The following ATP8B1 variants were observed in gnomAD, a reference collection of about 807,000 sequenced individuals.
ATP8B1 encodes phospholipid-transporting ATPase IC.
A neutral mutation model predicts 149.9 loss-of-function variants in ATP8B1; 80 were observed. The observed-to-expected ratio is 0.53, with a 90% CI of 0.45 to 0.64. The LOEUF (loss-of-function observed/expected upper bound fraction) is 0.64, where lower values mean the gene tolerates loss of function less well. ATP8B1 is among the 30% of genes least tolerant of loss of function. ATP8B1 has a pLI of 0.00. For synonymous variants in ATP8B1, 536 were observed against 562.8 expected (o/e 0.95, Z 0.67); for missense variants, 1,247 against 1,552.6 (o/e 0.80, Z 3.31).
In ATP8B1 at chr18:57,784,201, GA is replaced by G. The variant is rs1192678457; in HGVS notation, c.-26+18796del. Among the ~76,000 whole-genome samples the G allele has an allele frequency of 1.3e-5, 2 of 152,180 alleles. No homozygotes were observed. The highest frequency in any genetic ancestry group is 2.9e-5 in the Non-Finnish European group (2 of 68,022). ...TCGTCATGCTTCAGAAACTGAAGGAGAAAAAGAATGGAATTTGCAGGGGGAA... is the reference window on the plus strand; with the variant it reads ...TCGTCATGCTTCAGAAACTGAAGGAGAAAAGAATGGAATTTGCAGGGGGAA... On this transcript the variant is annotated intron_variant, in intron 1 of 27. Transcript: ENST00000648908. The surrounding 1 kb of genome is among the most constrained non-coding windows in gnomAD (Gnocchi z 4.4).
At chr18:57,656,937 G>C (rs1052072330) in intron 22 of ATP8B1, among the ~76,000 whole-genome samples, 1 of 151,780 alleles carries the variant, frequency 6.6e-6, no homozygotes, top group Admixed American at 6.6e-5. Context: ...ATCTTCCTGA[G>C]GCCTGGCTTC....
chr18:57,751,445 T>C (rs1310056926), intron 1 of ATP8B1, among the ~76,000 whole-genome samples: 2 of 146,682 alleles, frequency 1.4e-5, no homozygotes, highest in East Asian at 2.0e-4. Context: ...TAAGCCAAGA[T>C]GCTGTCTTGA....
intron 20 of ATP8B1, among the ~76,000 whole-genome samples, chr18:57,664,564 T>C (rs1297951338): frequency 6.6e-6 from 1 of 152,096 alleles, no homozygotes. Context: ...GGCTATTGTT[T>C]GTTAGGAATA....
intron 15 of ATP8B1, among the ~76,000 whole-genome samples, chr18:57,676,717 C>CAAAAAAAAAAAAAAAAA (rs58101846): frequency 4.3e-5 from 4 of 92,218 alleles, no homozygotes; most frequent in African/African-American, 4.3e-5. Flanking sequence ...GACTCCATTT[C>CAAAAAAAAAAAAAAAAA]AAAAAAAAAA....
At chr18:57,791,346 C>CTTTTTTTTTT (rs1473257768) in intron 1 of ATP8B1, among the ~76,000 whole-genome samples, 16 of 124,974 alleles carry the variant, frequency 1.3e-4, no homozygotes, top group African/African-American at 5.4e-4. Flanking sequence ...TTTTTCTTTT[C>CTTTTTTTTTT]TTTTCTTTTT....
At chr18:57,659,656 C>A (rs1399320281) in intron 22 of ATP8B1, 8 of 130,558 alleles carry the variant, frequency 6.1e-5, no homozygotes, top group African/African-American at 1.7e-4. Context: ...CAAGCACATG[C>A]AAAAAAAAAA....
intron 1 of ATP8B1, among the ~76,000 whole-genome samples, chr18:57,764,216 A>T (rs2080184733): frequency 6.6e-6 from 1 of 152,082 alleles, no homozygotes; most frequent in Admixed American, 6.6e-5. Context: ...CTCCGCCATG[A>T]CTGTGCAGCC....
At chr18:57,795,206 C>T (rs1250606611) in intron 1 of ATP8B1, among the ~76,000 whole-genome samples, 1 of 151,830 alleles carries the variant, frequency 6.6e-6, no homozygotes, top group Non-Finnish European at 1.5e-5. Flanking sequence ...GCCTGGGCGA[C>T]ATATCGAGAC....
At chr18:57,688,116 G>A (rs1912345472) in intron 13 of ATP8B1, among the ~76,000 whole-genome samples, 183 bp downstream of exon 13, 1 of 152,064 alleles carries the variant, frequency 6.6e-6, no homozygotes, top group Non-Finnish European at 1.5e-5. Flanking sequence ...CCTCTCCCAC[G>A]CATGTGTCCC....
intron 1 of ATP8B1, among the ~76,000 whole-genome samples, chr18:57,749,930 GAA>G (rs2123257977): frequency 6.6e-6 from 1 of 152,332 alleles, no homozygotes; most frequent in South Asian, 2.1e-4. Context: ...AGAATAGAGA[GAA>G]GAGCATTAAG....
rs753293981 is a variant in ATP8B1, at chr18:57,655,345, G to A, written c.2780C>T (p.Ala927Val). 2.6e-5 allele frequency: 42 copies of A among 1,614,048 alleles called. No homozygotes were observed. The Admixed American group carries it at 3.5e-4, about 13-fold the overall frequency. ...QAVMSSDYSF[A>V]QFRYLQRLLL... Reference sequence around the variant, plus strand: ...TAGCCTCTGCAGATATCGGAACTGAGCAAAGGAATAGTCACTCGACATGAC... The same window carrying A: ...TAGCCTCTGCAGATATCGGAACTGAACAAAGGAATAGTCACTCGACATGAC... The change falls in exon 23 of 28, where the codon GCT (alanine) becomes GTT (valine). Residue 927 changes from alanine to valine, a missense_variant. By Grantham distance (64) the Ala-to-Val change is moderately conservative (BLOSUM62 0). Around this residue, in one of 3 missense-constraint regions of ATP8B1, gnomAD observed 230 missense variants for 356.6 expected, o/e 0.65. Coordinates refer to ENST00000648908, the MANE Select transcript of ATP8B1 (RefSeq NM_001374385.1).
chr18:57,668,554 T>TAA lies in ATP8B1; in HGVS notation c.2098-16_2098-15dup, dbSNP rs34422185. On this transcript the variant is annotated splice_polypyrimidine_tract_variant and intron_variant, in intron 18 of 27. Coordinates refer to ENST00000648908, the MANE Select transcript of ATP8B1 (RefSeq NM_001374385.1). ...AGCTCCCAGGAGCTAGAATGTATAT[T>TAA]AAAAAAAAAAAAAAAAGGAATTAGC... 10,120 of 636,350 alleles carry TAA rather than the reference T, an allele frequency of 0.016. 609 individuals carry two copies. Among genetic ancestry groups the TAA allele is most frequent in the South Asian group, 0.023 (989 of 43,536 alleles). 39.4% of individuals were successfully genotyped at this position (636,350 alleles called of 1,614,324 possible).
At chr18:57,737,506 G>C (rs935901342) in intron 1 of ATP8B1, among the ~76,000 whole-genome samples, 21 of 151,366 alleles carry the variant, frequency 1.4e-4, no homozygotes, top group African/African-American at 5.1e-4. Flanking sequence ...CTGCTCCCCA[G>C]CCTCCCTAGT....
intron 1 of ATP8B1, among the ~76,000 whole-genome samples, chr18:57,779,941 CATAGGTAAATTAACAGTTATA>C (rs1384619092): frequency 6.7e-6 from 1 of 149,802 alleles, no homozygotes; most frequent in African/African-American, 2.4e-5. Flanking sequence ...ACAAAAATAA[CATAGGTAAATTAACAGTTATA>C]ATATTAAACA....
At chr18:57,764,083 C>T (rs542118700) in intron 1 of ATP8B1, among the ~76,000 whole-genome samples, 2 of 152,202 alleles carry the variant, frequency 1.3e-5, no homozygotes, top group Non-Finnish European at 2.9e-5. Flanking sequence ...AAATAGGGAT[C>T]CAGAACAAGC....
At chr18:57,743,840 A>AG (rs1476832988) in intron 1 of ATP8B1, among the ~76,000 whole-genome samples, 1 of 152,146 alleles carries the variant, frequency 6.6e-6, no homozygotes, top group African/African-American at 2.4e-5. Context: ...CTCATCTGAC[A>AG]GGGGGAAGGG....
At chr18:57,721,122 G>T (rs2079641886) in intron 2 of ATP8B1, among the ~76,000 whole-genome samples, 2 of 112,768 alleles carry the variant, frequency 1.8e-5, no homozygotes, top group African/African-American at 6.8e-5. Flanking sequence ...GGAACAACCG[G>T]TACCAGCCGC....
chr18:57,743,701 G>A (rs570804798), intron 1 of ATP8B1, among the ~76,000 whole-genome samples: 41 of 152,228 alleles, frequency 2.7e-4, no homozygotes, highest in African/African-American at 8.4e-4. Context: ...AGCAGAGCTG[G>A]GGAAAGGTAG....
chr18:57,785,358 A>G (rs976075136), intron 1 of ATP8B1, among the ~76,000 whole-genome samples: 1 of 152,256 alleles, frequency 6.6e-6, no homozygotes, highest in African/African-American at 2.4e-5. Flanking sequence ...CCAAACCAAA[A>G]TGCCATAAGA....
Sources: gnomAD v4.1 joint callset for allele counts (sites outside exome capture counted in the v4.1 genomes callset) on GRCh38, gnomAD v4.1.1 for gene constraint, gnomAD v4.1.1 regional missense constraint, Gnocchi (gnomAD v3.1) non-coding constraint, MANE v1.5 for transcripts, NCBI Gene and HGNC (gene_info 2026-07-23, HGNC 2026-07-21) for gene names.